TBC1D32: variants seen among roughly 807,000 people sequenced by gnomAD.
The protein encoded by TBC1D32 is TBC1 domain family member 32.
Under a neutral mutation model 170.3 loss-of-function variants are expected in TBC1D32, and 151 were observed. That is an observed-to-expected ratio of 0.89 (90% CI 0.78 to 1.01). The LOEUF (loss-of-function observed/expected upper bound fraction) is 1.01, where lower values mean the gene tolerates loss of function less well. Ranked by LOEUF, TBC1D32 falls within the 50% of genes least tolerant of loss-of-function variation. The probability of loss-of-function intolerance (pLI) is 0.00; values close to 1 mark genes in which losing one functional copy is unlikely to be tolerated. For synonymous variants in TBC1D32, 498 were observed against 488.0 expected (o/e 1.02, Z -0.27); for missense variants, 1,464 against 1,457.1 (o/e 1.00, Z -0.08).
chr6:121,184,331 G>T (rs1395950118), intron 22 of TBC1D32, among the ~76,000 whole-genome samples: 1 of 151,790 alleles, frequency 6.6e-6, no homozygotes, highest in East Asian at 1.9e-4. Context: ...ATTCCAGAGG[G>T]TAAGTAATCC....
At chr6:121,084,137 T>C (rs1222442440) in intron 31 of TBC1D32, among the ~76,000 whole-genome samples, 1 of 152,146 alleles carries the variant, frequency 6.6e-6, no homozygotes, top group East Asian at 1.9e-4. Context: ...TTTATCTAAC[T>C]GGCACCTTAG....
At position 121,083,648 on chromosome 6, in the gene TBC1D32, T is replaced by C. The variant is rs911673031; in HGVS notation, c.3655-2758A>G. ...GGACCACTGAATCTAGGACATTGATTAAAATATCAGACTAGTCAATGAAAA... is the reference window on the plus strand; with the variant it reads ...GGACCACTGAATCTAGGACATTGATCAAAATATCAGACTAGTCAATGAAAA... On this transcript the variant is annotated intron_variant, in intron 31 of 31. Transcript: ENST00000398212. 1.3e-5 allele frequency among the ~76,000 whole-genome samples: 2 copies of C among 152,106 alleles called. 1 individual carries two copies. Among genetic ancestry groups the C allele is most frequent in the Admixed American group, 1.3e-4 (2 of 15,246 alleles).
intron 25 of TBC1D32, among the ~76,000 whole-genome samples, chr6:121,128,368 G>A (rs1781078065): frequency 1.3e-5 from 2 of 152,098 alleles, no homozygotes; most frequent in Admixed American, 1.3e-4. Flanking sequence ...AATTGTAAGT[G>A]TAGCTGAACT....
chr6:121,304,963 G>C (rs1433095347), intron 5 of TBC1D32, 130 bp from the exon 6 acceptor site: 1 of 650,810 alleles, frequency 1.5e-6, no homozygotes, highest in Non-Finnish European at 2.6e-6. Context: ...ACTAGAGTCA[G>C]AATGTACTTA....
chr6:121,325,766 T>C (rs1810376879), intron 1 of TBC1D32, among the ~76,000 whole-genome samples: 1 of 152,088 alleles, frequency 6.6e-6, no homozygotes, highest in Non-Finnish European at 1.5e-5. Flanking sequence ...AAGTCAAAAT[T>C]GACAAATGCG....
intron 22 of TBC1D32, among the ~76,000 whole-genome samples, chr6:121,182,431 A>C (rs1788652654): frequency 6.6e-6 from 1 of 152,080 alleles, no homozygotes; most frequent in South Asian, 2.1e-4. Context: ...AAAAGAATGC[A>C]TACTTTCATG....
chr6:121,132,020 T>C (rs982597654), intron 24 of TBC1D32, among the ~76,000 whole-genome samples: 10 of 152,044 alleles, frequency 6.6e-5, no homozygotes, highest in African/African-American at 2.2e-4. Flanking sequence ...CTTTTTCTTA[T>C]ATGAATATGG....
intron 24 of TBC1D32, among the ~76,000 whole-genome samples, chr6:121,147,678 A>C (rs1582964809): frequency 6.6e-6 from 1 of 150,992 alleles, no homozygotes; most frequent in Admixed American, 6.6e-5. Flanking sequence ...TGCAAACTCC[A>C]CCTCCCGGGT....
chr6:121,174,234 A>G (rs1010411412), intron 22 of TBC1D32, among the ~76,000 whole-genome samples: 1 of 152,206 alleles, frequency 6.6e-6, no homozygotes, highest in Non-Finnish European at 1.5e-5. Context: ...AAGGAACAGA[A>G]TGACAAAAAT....
At chr6:121,197,911 G>A (rs1790966355) in intron 22 of TBC1D32, among the ~76,000 whole-genome samples, 1 of 151,888 alleles carries the variant, frequency 6.6e-6, no homozygotes, top group Non-Finnish European at 1.5e-5. Flanking sequence ...TAATCTGGTG[G>A]GCACCATCTA....
chr6:121,284,397 G>T (rs765377824), intron 12 of TBC1D32, among the ~76,000 whole-genome samples: 2 of 152,084 alleles, frequency 1.3e-5, no homozygotes, highest in African/African-American at 4.8e-5. Context: ...GTAGCACTAA[G>T]TATATGTAGA....
intron 22 of TBC1D32, among the ~76,000 whole-genome samples, chr6:121,184,225 G>A (rs1788893941): frequency 6.6e-6 from 1 of 151,898 alleles, no homozygotes; most frequent in Non-Finnish European, 1.5e-5. Context: ...CAAGCCAGAG[G>A]TCATGATGAA....
At chr6:121,119,614 A>G (rs540292335) in intron 26 of TBC1D32, among the ~76,000 whole-genome samples, 32 of 152,254 alleles carry the variant, frequency 2.1e-4, no homozygotes, top group African/African-American at 7.5e-4. Context: ...CTAGAAAAAA[A>G]TTCCCAACTT....
In TBC1D32 at chr6:121,332,904, G is replaced by T. The variant is rs189449605; in HGVS notation, c.155+1372C>A. Among the ~76,000 whole-genome samples the T allele has an allele frequency of 7.2e-5, 11 of 152,158 alleles. No individual in the cohort carries two copies. The East Asian group carries it at 1.9e-3, about 27-fold the overall frequency. ...TGGAAATACAAAAGAAAAAGAAACC[G>T]TAAGTATAATCGTAAATACCAAAGA... On this transcript the variant is annotated intron_variant, in intron 1 of 31. Coordinates refer to ENST00000398212, the MANE Select transcript of TBC1D32 (RefSeq NM_152730.6).
intron 20 of TBC1D32, 48 bp downstream of exon 20, chr6:121,239,022 G>T: frequency 9.5e-7 from 1 of 1,049,896 alleles, no homozygotes; most frequent in Non-Finnish European, 1.4e-6. Flanking sequence ...ATTCATTTCT[G>T]TGAAATACTT....
chr6:121,161,097 G>A, intron 22 of TBC1D32, 41 bp from the exon 23 acceptor site: 1 of 1,413,544 alleles, frequency 7.1e-7, no homozygotes, highest in Non-Finnish European at 9.8e-7. Context: ...CCTTTTGATT[G>A]AATATGTGTT....
intron 22 of TBC1D32, among the ~76,000 whole-genome samples, chr6:121,189,884 T>G (rs1441976989): frequency 2.0e-5 from 3 of 151,990 alleles, no homozygotes; most frequent in Admixed American, 6.6e-5. Flanking sequence ...ACTAAGAATT[T>G]TGCACTTGAT....
chr6:121,185,420 A>G (rs1371728653), intron 22 of TBC1D32, among the ~76,000 whole-genome samples: 1 of 152,120 alleles, frequency 6.6e-6, no homozygotes, highest in Non-Finnish European at 1.5e-5. Context: ...GCTATTGTGC[A>G]CATATAAACT....
intron 21 of TBC1D32, among the ~76,000 whole-genome samples, chr6:121,207,895 T>C (rs1301807536): frequency 1.3e-5 from 2 of 152,024 alleles, no homozygotes; most frequent in Admixed American, 6.6e-5. Flanking sequence ...TTTGAAGAAA[T>C]AGGCAAGTGA....
Sources: allele counts gnomAD v4.1 joint callset (sites outside exome capture counted in the v4.1 genomes callset), GRCh38; gene constraint gnomAD v4.1.1; transcripts MANE v1.5; gene names NCBI Gene and HGNC (gene_info 2026-07-23, HGNC 2026-07-21).